Variants in KDM4C observed in about 807,000 individuals in gnomAD.
KDM4C encodes lysine demethylase 4C, also known as lysine-specific demethylase 4C.
A neutral mutation model predicts 129.3 loss-of-function variants in KDM4C; 81 were observed. The observed-to-expected ratio is 0.63, with a 90% CI of 0.52 to 0.75. The LOEUF is 0.75. Ranked by LOEUF, KDM4C falls within the 30% of genes least tolerant of loss-of-function variation. KDM4C has a pLI of 0.00. For missense variants in KDM4C, 1,457 were observed against 1,304.0 expected (o/e 1.12, Z -1.81); for synonymous variants, 573 against 456.1 (o/e 1.26, Z -3.26).
intron 12 of KDM4C, among the ~76,000 whole-genome samples, chr9:6,991,102 G>A (rs185000257): frequency 6.6e-6 from 1 of 151,706 alleles, no homozygotes; most frequent in Non-Finnish European, 1.5e-5. Flanking sequence ...TTCAAGACAG[G>A]GTCTCGCTCT....
chr9:6,901,608 A>G (rs1426076739), intron 8 of KDM4C, among the ~76,000 whole-genome samples: 1 of 152,192 alleles, frequency 6.6e-6, no homozygotes, highest in Non-Finnish European at 1.5e-5. Flanking sequence ...ACTTGAAAAC[A>G]TCCTTTTATG....
chr9:6,942,583 A>G (rs1382852010), intron 8 of KDM4C: 2 of 152,102 alleles, frequency 1.3e-5, no homozygotes, highest in African/African-American at 4.8e-5. Flanking sequence ...TGAATGCAAT[A>G]TAGGCTGTTC....
rs113101043 is a variant in KDM4C, at chr9:6,790,534, A to G, written c.-17-2438A>G. ...CTCCCAGAGTGCGGGGATTATAGGC[A>G]TGAGCCCTAGCCCTGGCCAGCCCTG... is the stretch of plus-strand genomic sequence containing the variant. On this transcript the variant is annotated intron_variant, in intron 1 of 21. Transcript: ENST00000381309. 2.4e-3 allele frequency among the ~76,000 whole-genome samples: 362 copies of G among 150,532 alleles called. 1 individual carries two copies. Among genetic ancestry groups the G allele is most frequent in the African/African-American group, 8.5e-3 (349 of 40,954 alleles).
intron 19 of KDM4C, among the ~76,000 whole-genome samples, chr9:7,145,112 G>A (rs1167819679): frequency 6.6e-6 from 1 of 152,138 alleles, no homozygotes; most frequent in Non-Finnish European, 1.5e-5. Context: ...TCCTCCTCGG[G>A]TGTTGATCCT....
intron 21 of KDM4C, among the ~76,000 whole-genome samples, chr9:7,173,443 G>T (rs934824152): frequency 3.3e-5 from 5 of 152,100 alleles, no homozygotes; most frequent in Non-Finnish European, 5.9e-5. Flanking sequence ...GTAGGTTGCT[G>T]GAAAATTACA....
intron 8 of KDM4C, among the ~76,000 whole-genome samples, chr9:6,919,277 C>CTA (rs1416409064): frequency 1.2e-4 from 4 of 34,606 alleles, no homozygotes; most frequent in Admixed American, 2.1e-4. Flanking sequence ...CTTTCTGTCT[C>CTA]TCTCTCTCTC....
chr9:7,072,431 C>A (rs976166221), intron 17 of KDM4C, among the ~76,000 whole-genome samples: 3 of 152,150 alleles, frequency 2.0e-5, no homozygotes, highest in Non-Finnish European at 4.4e-5. Context: ...CAATATAATG[C>A]TACTCAGCAC....
chr9:6,733,720 G>A (rs1029217502), intron 1 of KDM4C, among the ~76,000 whole-genome samples: 8 of 152,176 alleles, frequency 5.3e-5, no homozygotes, highest in African/African-American at 1.7e-4. Context: ...AGAAAGTAAA[G>A]GAATAAAAGA....
rs1201462518 is a variant in KDM4C at position 6,770,668 on chromosome 9, A to T, written c.-18+12465A>T. On this transcript the variant is annotated intron_variant, in intron 1 of 21. Coordinates refer to ENST00000381309, the MANE Select transcript of KDM4C (RefSeq NM_015061.6). ...TCTTGCATTCATTAATAATGAAAAA[A>T]GCAAGGATGGTCAGATTATTGTGTT... Among the ~76,000 whole-genome samples the T allele has an allele frequency of 2.6e-5, 4 of 151,704 alleles. No individual in the cohort carries two copies. The East Asian group carries it at 7.7e-4, about 29-fold the overall frequency.
chr9:6,831,822 C>G (rs1037670240), intron 4 of KDM4C, among the ~76,000 whole-genome samples: 36 of 152,144 alleles, frequency 2.4e-4, no homozygotes, highest in Admixed American at 2.2e-3. Flanking sequence ...GCTGACCTTT[C>G]GTTGGCCAGA....
intron 8 of KDM4C, among the ~76,000 whole-genome samples, chr9:6,958,216 A>G (rs1829416406): frequency 6.6e-6 from 1 of 152,156 alleles, no homozygotes. Flanking sequence ...AGTCTTGTCA[A>G]ACAATTAATA....
At chr9:7,077,544 G>A (rs1306839249) in intron 17 of KDM4C, among the ~76,000 whole-genome samples, 1 of 152,082 alleles carries the variant, frequency 6.6e-6, no homozygotes, top group East Asian at 1.9e-4. Context: ...GTAAAACTGG[G>A]GCTAAGAAGA....
At chr9:6,949,568 C>T (rs1186741427) in intron 8 of KDM4C, among the ~76,000 whole-genome samples, 5 of 152,192 alleles carry the variant, frequency 3.3e-5, no homozygotes, top group African/African-American at 7.2e-5. Flanking sequence ...ACTGAGTGAA[C>T]GAGACTCCAT....
Position 7,046,928 on chromosome 9 carries a change from CATTA to C in KDM4C, c.2315+15_2315+18del. The C allele has an allele frequency of 2.0e-6, 3 of 1,527,582 alleles. No individual in the cohort carries two copies. Among genetic ancestry groups the C allele is most frequent in the African/African-American group, 2.7e-5 (2 of 73,552 alleles). The allele number at this position is 1,527,582 out of a possible 1,614,324, so 94.6% of individuals were successfully genotyped here. ...AACGAAGAACAATAAGTAAGTAATA[CATTA>C]ATTGTGTTGAATTTCATTATTTTTC... On this transcript the variant is annotated intron_variant, in intron 16 of 21. Transcript: ENST00000381309.
chr9:6,854,819 C>T (rs1839512234), intron 5 of KDM4C, among the ~76,000 whole-genome samples: 1 of 152,170 alleles, frequency 6.6e-6, no homozygotes, highest in Non-Finnish European at 1.5e-5. Context: ...AACTTTTGAT[C>T]AGTGTTGTGT....
intron 9 of KDM4C, among the ~76,000 whole-genome samples, chr9:6,983,274 C>T (rs1202062747): frequency 6.6e-6 from 1 of 152,096 alleles, no homozygotes; most frequent in Non-Finnish European, 1.5e-5. Context: ...GTGTTTTGGA[C>T]ACTGTTGCTT....
chr9:7,158,916 G>C (rs1843481229), intron 19 of KDM4C, among the ~76,000 whole-genome samples: 1 of 152,160 alleles, frequency 6.6e-6, no homozygotes, highest in South Asian at 2.1e-4. Flanking sequence ...CTGTCTCGTT[G>C]ATCTGTCTAA....
rs116273293 is a variant in KDM4C, at chr9:6,987,056, C to T, written c.1677+390C>T. On this transcript the variant is annotated intron_variant, in intron 11 of 21. Transcript: ENST00000381309. The stretch of plus-strand genomic sequence containing the variant: ...CTATAGTACAAAGTCACAATCATAT[C>T]GACATTGATACAGTAAAGATTACAG... Among the ~76,000 whole-genome samples, 1,518 of 152,220 alleles carry T rather than the reference C, an allele frequency of 1.0e-2. 32 individuals carry two copies. The highest frequency in any genetic ancestry group is 0.034 in the African/African-American group (1,424 of 41,538).
At chr9:7,040,975 C>T (rs1349470685) in intron 15 of KDM4C, among the ~76,000 whole-genome samples, 2 of 150,544 alleles carry the variant, frequency 1.3e-5, no homozygotes, top group African/African-American at 2.4e-5. Flanking sequence ...ATTATCACCC[C>T]TTTTCTCTTT....
Sources: allele counts gnomAD v4.1 joint callset (sites outside exome capture counted in the v4.1 genomes callset), GRCh38; gene constraint gnomAD v4.1.1; transcripts MANE v1.5; gene names NCBI Gene and HGNC (gene_info 2026-07-23, HGNC 2026-07-21).